SSH2: variants seen among roughly 807,000 people sequenced by gnomAD.
SSH2 encodes the protein protein phosphatase Slingshot homolog 2.
Under a neutral mutation model 135.2 loss-of-function variants are expected in SSH2, and 37 were observed. The observed-to-expected ratio is 0.27, with a 90% CI of 0.21 to 0.36. The LOEUF (loss-of-function observed/expected upper bound fraction) is 0.36. SSH2 is among the 10% of genes least tolerant of loss of function. SSH2 has a pLI of 1.00. For synonymous variants in SSH2, 628 were observed against 646.2 expected (o/e 0.97, Z 0.43); for missense variants, 1,408 against 1,765.3 (o/e 0.80, Z 3.63).
intron 14 of SSH2, chr17:29,645,362 G>A (rs1407174864): frequency 6.6e-6 from 1 of 152,086 alleles, no homozygotes; most frequent in East Asian, 1.9e-4. Flanking sequence ...ATCAAGCCTA[G>A]GAAGCTGAGA....
chr17:29,667,102 G>A, intron 10 of SSH2, 28 bp downstream of exon 10: 1 of 1,603,032 alleles, frequency 6.2e-7, no homozygotes, highest in Non-Finnish European at 8.5e-7. Flanking sequence ...GCTAGCCTTG[G>A]AACAAACAAG....
intron 14 of SSH2, among the ~76,000 whole-genome samples, chr17:29,643,954 G>A (rs574349759): frequency 2.8e-4 from 43 of 152,224 alleles, no homozygotes; most frequent in African/African-American, 9.6e-4. Flanking sequence ...CTAGAGATGT[G>A]GCAGACATCT....
intron 2 of SSH2, among the ~76,000 whole-genome samples, chr17:29,808,547 A>C (rs773589616): frequency 6.6e-6 from 1 of 152,226 alleles, no homozygotes; most frequent in African/African-American, 2.4e-5. Flanking sequence ...CAACAACAGC[A>C]CTCATCACTG....
intron 1 of SSH2, among the ~76,000 whole-genome samples, chr17:29,873,303 T>C (rs984305650): frequency 1.3e-5 from 2 of 152,128 alleles, no homozygotes; most frequent in Non-Finnish European, 1.5e-5. Context: ...CTCACACCTG[T>C]AATCCCAGCA....
intron 3 of SSH2, among the ~76,000 whole-genome samples, chr17:29,730,108 C>A (rs893600789): frequency 6.6e-6 from 1 of 151,972 alleles, no homozygotes; most frequent in Admixed American, 6.6e-5. Flanking sequence ...ATGGCTTGAG[C>A]TCAGGAGTTC....
intron 2 of SSH2, among the ~76,000 whole-genome samples, chr17:29,826,036 A>AT (rs1312609382): frequency 1.3e-5 from 2 of 152,056 alleles, no homozygotes; most frequent in Admixed American, 1.3e-4. Context: ...ATATTAAGAT[A>AT]TTTTTTCACC....
chr17:29,808,600 T>C (rs145113768), intron 2 of SSH2, among the ~76,000 whole-genome samples: 6 of 152,358 alleles, frequency 3.9e-5, no homozygotes, highest in Non-Finnish European at 8.8e-5. Context: ...AGGCACATCC[T>C]AACCACCACC....
At chr17:29,760,129 G>C (rs191032345) in intron 3 of SSH2, among the ~76,000 whole-genome samples, 1 of 152,280 alleles carries the variant, frequency 6.6e-6, no homozygotes, top group African/African-American at 2.4e-5. Context: ...AACCATCTCT[G>C]AAAATAATAA....
At chr17:29,874,220 G>C (rs891316340) in intron 1 of SSH2, among the ~76,000 whole-genome samples, 9 of 150,524 alleles carry the variant, frequency 6.0e-5, no homozygotes, top group African/African-American at 2.2e-4. Flanking sequence ...TTGAGCCTGG[G>C]AGGTGGAGGT....
At chr17:29,814,585 G>A (rs557626790) in intron 2 of SSH2, among the ~76,000 whole-genome samples, 1 of 151,716 alleles carries the variant, frequency 6.6e-6, no homozygotes, top group South Asian at 2.1e-4. Flanking sequence ...TCTAATAAAA[G>A]AAATCAGATA....
intron 4 of SSH2, among the ~76,000 whole-genome samples, chr17:29,701,404 C>CTTTTTTT (rs55721735): frequency 1.1e-5 from 1 of 90,338 alleles, no homozygotes; most frequent in Non-Finnish European, 2.1e-5. Flanking sequence ...GTGCCTGGCT[C>CTTTTTTT]TTTTTTTTTT....
intron 6 of SSH2, among the ~76,000 whole-genome samples, chr17:29,677,988 T>C (rs1316918369): frequency 6.6e-6 from 1 of 152,218 alleles, no homozygotes; most frequent in Non-Finnish European, 1.5e-5. Context: ...GCTTCCTACA[T>C]TGTCATCTTG....
chr17:29,911,113 AC>A (rs1337846827), intron 1 of SSH2, among the ~76,000 whole-genome samples: 2 of 152,218 alleles, frequency 1.3e-5, no homozygotes, highest in Non-Finnish European at 2.9e-5. Context: ...AGTAACAGTT[AC>A]CATTTATTGA....
At chr17:29,703,634 G>A (rs2151127175) in intron 3 of SSH2, among the ~76,000 whole-genome samples, 1 of 131,704 alleles carries the variant, frequency 7.6e-6, no homozygotes, top group East Asian at 2.3e-4. Context: ...GGAGTGCAGT[G>A]GTGCGATCTC....
intron 5 of SSH2, among the ~76,000 whole-genome samples, chr17:29,693,763 T>C (rs2038595162): frequency 6.6e-6 from 1 of 152,216 alleles, no homozygotes; most frequent in African/African-American, 2.4e-5. Flanking sequence ...AATTTTTATA[T>C]ATTCTAATCA....
At chr17:29,845,372 T>G (rs2043114586) in intron 2 of SSH2, among the ~76,000 whole-genome samples, 1 of 151,084 alleles carries the variant, frequency 6.6e-6, no homozygotes. Flanking sequence ...GACATGGGGG[T>G]GGGAACAGGG....
intron 4 of SSH2, among the ~76,000 whole-genome samples, chr17:29,699,934 C>G (rs1022495627): frequency 5.9e-5 from 9 of 152,150 alleles, no homozygotes; most frequent in Admixed American, 5.2e-4. Flanking sequence ...TCTTCCCTTA[C>G]TCTAAAAAAT....
intron 3 of SSH2, among the ~76,000 whole-genome samples, chr17:29,781,293 G>C (rs974231646): frequency 1.3e-5 from 2 of 151,868 alleles, no homozygotes; most frequent in Non-Finnish European, 2.9e-5. Flanking sequence ...CACCAAATAG[G>C]TTTGAATAAA....
chr17:29,725,364 A>AAAAAAC (rs1360802768), intron 3 of SSH2, among the ~76,000 whole-genome samples: 1 of 150,910 alleles, frequency 6.6e-6, no homozygotes, highest in South Asian at 2.1e-4. Flanking sequence ...AAAAAAAAAA[A>AAAAAAC]AAAAAGCCAG....
Sources: allele counts gnomAD v4.1 joint callset (sites outside exome capture counted in the v4.1 genomes callset), GRCh38; gene constraint gnomAD v4.1.1; transcripts MANE v1.5; gene names NCBI Gene and HGNC (gene_info 2026-07-23, HGNC 2026-07-21).